The following ZMIZ1 variants were observed in gnomAD, a reference collection of about 807,000 sequenced individuals.
ZMIZ1 encodes zinc finger MIZ domain-containing protein 1.
Under a neutral mutation model 113.9 loss-of-function variants are expected in ZMIZ1, and 17 were observed. That is an observed-to-expected ratio of 0.15 (90% CI 0.10 to 0.22). The LOEUF (loss-of-function observed/expected upper bound fraction) is 0.22, where lower values mean the gene tolerates loss of function less well. ZMIZ1 is among the 10% of genes least tolerant of loss of function. The pLI, the probability that ZMIZ1 is intolerant of heterozygous loss-of-function variation, is 1.00. For synonymous variants in ZMIZ1, 607 were observed against 603.1 expected (o/e 1.01, Z -0.09); for missense variants, 1,059 against 1,477.8 (o/e 0.72, Z 4.65).
At chr10:79,188,052 G>A (rs993486694) in intron 4 of ZMIZ1, among the ~76,000 whole-genome samples, 4 of 152,124 alleles carry the variant, frequency 2.6e-5, no homozygotes, top group African/African-American at 4.8e-5. Flanking sequence ...TTCTACCTTC[G>A]GCTATATTGT....
intron 21 of ZMIZ1, among the ~76,000 whole-genome samples, 156 bp downstream of exon 21, chr10:79,305,757 C>T: frequency 6.6e-6 from 1 of 152,048 alleles, no homozygotes; most frequent in Non-Finnish European, 1.5e-5. Flanking sequence ...CCCTCGGGGG[C>T]CTCTGGATCT....
intron 1 of ZMIZ1, among the ~76,000 whole-genome samples, chr10:79,086,668 C>T (rs538810045): frequency 2.6e-5 from 4 of 152,166 alleles, no homozygotes; most frequent in Admixed American, 1.3e-4. Flanking sequence ...GCCATCACCC[C>T]GGCTAATTGA....
At chr10:79,193,778 G>C (rs1847710298) in intron 4 of ZMIZ1, among the ~76,000 whole-genome samples, 2 of 152,216 alleles carry the variant, frequency 1.3e-5, no homozygotes, top group African/African-American at 4.8e-5. Context: ...ATTGCGGGCA[G>C]AGGGACAGTC....
intron 17 of ZMIZ1, 144 bp from the exon 18 acceptor site, chr10:79,301,963 G>T (rs918529699): frequency 3.1e-5 from 22 of 716,444 alleles, no homozygotes; most frequent in Middle Eastern, 4.1e-4. Flanking sequence ...TAGTGCTCAG[G>T]CTCGCAAGTC....
At chr10:79,246,285 A>T (rs553244342) in intron 7 of ZMIZ1, among the ~76,000 whole-genome samples, 11 of 152,326 alleles carry the variant, frequency 7.2e-5, no homozygotes, top group African/African-American at 2.6e-4. Flanking sequence ...GACCTCCCTG[A>T]GGGACAGTCT....
chr10:79,154,982 T>C (rs1296880541), intron 3 of ZMIZ1, among the ~76,000 whole-genome samples: 1 of 152,228 alleles, frequency 6.6e-6, no homozygotes, highest in Non-Finnish European at 1.5e-5. Flanking sequence ...AATCTTGTTA[T>C]GTCCTTCAAC....
chr10:79,261,619 CTG>C (rs1851278961), intron 7 of ZMIZ1, among the ~76,000 whole-genome samples: 1 of 152,244 alleles, frequency 6.6e-6, no homozygotes, highest in Non-Finnish European at 1.5e-5. Flanking sequence ...TACAGCCACT[CTG>C]TGAAGCAGGC....
chr10:79,132,767 T>TG (rs1266165837), intron 2 of ZMIZ1, among the ~76,000 whole-genome samples: 2 of 152,106 alleles, frequency 1.3e-5, no homozygotes, highest in Non-Finnish European at 2.9e-5. Context: ...GGCGAGGCAG[T>TG]GGGGTGGGGG....
chr10:79,221,965 G>C (rs1012771498), intron 7 of ZMIZ1, among the ~76,000 whole-genome samples: 2 of 152,238 alleles, frequency 1.3e-5, no homozygotes, highest in Non-Finnish European at 2.9e-5. Context: ...AAAACGCAGA[G>C]AGAGCAGCAG....
chr10:79,172,132 G>A (rs906805303), intron 4 of ZMIZ1, among the ~76,000 whole-genome samples: 42 of 152,250 alleles, frequency 2.8e-4, no homozygotes, highest in Admixed American at 3.9e-4. Context: ...CAGCAGCTCA[G>A]CCTCATTCAC....
At chr10:79,226,136 C>T (rs1849190070) in intron 7 of ZMIZ1, among the ~76,000 whole-genome samples, 1 of 152,176 alleles carries the variant, frequency 6.6e-6, no homozygotes, top group African/African-American at 2.4e-5. Flanking sequence ...TGCAGGGCCA[C>T]ACAGCCCTTC....
At chr10:79,074,366 G>C (rs1826116030) in intron 1 of ZMIZ1, among the ~76,000 whole-genome samples, 1 of 152,180 alleles carries the variant, frequency 6.6e-6, no homozygotes, top group South Asian at 2.1e-4. Context: ...CCATTCTCAG[G>C]AAGGGTCACA....
chr10:79,160,061 C>A (rs1846048258), intron 3 of ZMIZ1, among the ~76,000 whole-genome samples: 1 of 152,234 alleles, frequency 6.6e-6, no homozygotes, highest in Non-Finnish European at 1.5e-5. Context: ...CTCTGCTGGC[C>A]AGCTTGCCTT....
At chr10:79,226,728 G>C (rs1849214649) in intron 7 of ZMIZ1, among the ~76,000 whole-genome samples, 1 of 152,192 alleles carries the variant, frequency 6.6e-6, no homozygotes, top group Admixed American at 6.5e-5. Flanking sequence ...AGTGTTGCAA[G>C]CCACAGCCTT....
Position 79,291,068 on chromosome 10 carries a change from C to T in ZMIZ1, c.650C>T (p.Ala217Val), listed in dbSNP as rs759642942. Residue 217 changes from alanine (A) to valine (V), a missense_variant, in exon 10 of 25, where the codon GCG becomes GTG. By Grantham distance (64) the Ala-to-Val change is moderately conservative (BLOSUM62 0). This residue lies in a region of ZMIZ1 where 272 missense variants were observed against 350.4 expected (regional missense o/e 0.78). Coordinates refer to ENST00000334512, the MANE Select transcript of ZMIZ1 (RefSeq NM_020338.4). Reference sequence around the variant, plus strand: ...CCAGGCCTCAACTCCCCACAGTTTGCGGGGCAGCAGCAGCAGTTCTCAGCC... The same window carrying T: ...CCAGGCCTCAACTCCCCACAGTTTGTGGGGCAGCAGCAGCAGTTCTCAGCC... ...SNPGLNSPQF[A>V]GQQQQFSAKA... The T allele has an allele frequency of 2.0e-5, 33 of 1,614,106 alleles. No individual in the cohort carries two copies. Among genetic ancestry groups the T allele is most frequent in the Admixed American group, 8.3e-5 (5 of 60,018 alleles).
chr10:79,224,604 G>A (rs1321216913), intron 7 of ZMIZ1, among the ~76,000 whole-genome samples: 2 of 152,214 alleles, frequency 1.3e-5, no homozygotes, highest in Non-Finnish European at 2.9e-5. Context: ...ACCCTAAGAA[G>A]GGCCTGCTTC....
At chr10:79,143,060 C>T (rs533723967) in intron 3 of ZMIZ1, among the ~76,000 whole-genome samples, 31 of 152,280 alleles carry the variant, frequency 2.0e-4, no homozygotes, top group African/African-American at 7.2e-4. Flanking sequence ...CTTTCTCCAT[C>T]TCTGTCTCTC....
chr10:79,266,624 G>A (rs1001890888), intron 7 of ZMIZ1, among the ~76,000 whole-genome samples: 1 of 152,038 alleles, frequency 6.6e-6, no homozygotes, highest in African/African-American at 2.4e-5. Context: ...CGGTGGTCTC[G>A]CTAGAGCCAA....
At chr10:79,102,744 C>T (rs1388542235) in intron 1 of ZMIZ1, among the ~76,000 whole-genome samples, 2 of 152,222 alleles carry the variant, frequency 1.3e-5, no homozygotes, top group Non-Finnish European at 2.9e-5. Context: ...GCCCACATAG[C>T]ACCTCTCCGC....
Sources: allele counts gnomAD v4.1 joint callset (sites outside exome capture counted in the v4.1 genomes callset), GRCh38; gene constraint gnomAD v4.1.1; regional missense constraint gnomAD v4.1.1; transcripts MANE v1.5; gene names NCBI Gene and HGNC (gene_info 2026-07-23, HGNC 2026-07-21).